Variants in ACTR3C observed in about 807,000 individuals in gnomAD.
ACTR3C encodes actin related protein 3C, also known as actin-related protein 3C.
In ACTR3C, 18 loss-of-function variants were observed where a neutral mutation model predicts 26.3. The ratio of observed to expected loss-of-function variants is 0.68; its 90% CI spans 0.47 to 1.01. ACTR3C has a LOEUF of 1.01. ACTR3C is among the 50% of genes least tolerant of loss of function. The pLI, the probability that ACTR3C is intolerant of heterozygous loss-of-function variation, is 0.00. For synonymous variants in ACTR3C, 55 were observed against 94.5 expected (o/e 0.58, Z 2.42); for missense variants, 184 against 250.7 (o/e 0.73, Z 1.80).
the ACTR3C span, among the ~76,000 whole-genome samples, chr7:149,963,567 G>A: frequency 6.6e-6 from 1 of 152,086 alleles, no homozygotes; most frequent in Non-Finnish European, 1.5e-5. Context: ...CCTAACAAAG[G>A]ATGAACAAAG....
Position 150,256,801 on chromosome 7 carries a change from G to T in ACTR3C, c.565-7747C>A, listed in dbSNP as rs1426228400. ...AATAAACACATGTGATGTGGGAGCA[G>T]AAAGCAAAAACAAAATTAGTTGGCT... is the stretch of plus-strand genomic sequence containing the variant. On this transcript the variant is annotated intron_variant, in intron 6 of 7. Transcript: ENST00000683684. 5.9e-5 allele frequency among the ~76,000 whole-genome samples: 9 copies of T among 152,098 alleles called. 2 individuals carry two copies. Among genetic ancestry groups the T allele is most frequent in the South Asian group, 4.1e-4 (2 of 4,822 alleles).
At chr7:150,163,404 A>G in the ACTR3C span, among the ~76,000 whole-genome samples, 21 of 150,934 alleles carry the variant, frequency 1.4e-4, no homozygotes, top group South Asian at 2.1e-4. Flanking sequence ...GTGTGTGTGT[A>G]TACACATACA....
At chr7:149,987,585 T>G in the ACTR3C span, among the ~76,000 whole-genome samples, 30,020 of 92,464 alleles carry the variant, frequency 0.32, 6,389 homozygotes, top group Middle Eastern at 0.52. Flanking sequence ...AAATAAAAAA[T>G]AAAAAAAGAA....
chr7:150,231,836 T>C, the ACTR3C span, among the ~76,000 whole-genome samples: 1 of 152,034 alleles, frequency 6.6e-6, no homozygotes, highest in African/African-American at 2.4e-5. Context: ...AGAACATATG[T>C]TATGCTGTTT....
At chr7:149,886,891 T>C in the ACTR3C span, among the ~76,000 whole-genome samples, 1 of 151,362 alleles carries the variant, frequency 6.6e-6, no homozygotes, top group African/African-American at 2.4e-5. Context: ...GCCCAGGAGG[T>C]TGAGGCTACA....
intron 1 of ACTR3C, among the ~76,000 whole-genome samples, chr7:150,319,306 C>G (rs1450568396): frequency 4.0e-5 from 6 of 151,858 alleles, no homozygotes; most frequent in African/African-American, 1.5e-4. Flanking sequence ...CTCTCAGGTT[C>G]AAGCGATTCT....
chr7:150,120,201 A>G, the ACTR3C span, among the ~76,000 whole-genome samples: 1 of 152,208 alleles, frequency 6.6e-6, no homozygotes, highest in Admixed American at 6.5e-5. Context: ...AAACACATTC[A>G]AAAGCTAGCA....
the ACTR3C span, among the ~76,000 whole-genome samples, chr7:149,884,336 AATCTCTC>A: frequency 6.6e-6 from 1 of 152,180 alleles, no homozygotes; most frequent in African/African-American, 2.4e-5. Context: ...TCTAAATACG[AATCTCTC>A]ATTGGGGAAA....
At chr7:150,047,195 G>A in the ACTR3C span, among the ~76,000 whole-genome samples, 3 of 151,622 alleles carry the variant, frequency 2.0e-5, no homozygotes, top group Non-Finnish European at 2.9e-5. Flanking sequence ...GGGAGAGAAG[G>A]TGCCTGAGGC....
rs902537497 is a variant in ACTR3C, at chr7:150,274,041, G to A, written c.564+10712C>T. ...ATCAAAATGGTCGCCCTCTTGAGAT[G>A]TGTTTCAGGTAGGGAGACAGAACTA... is the stretch of plus-strand genomic sequence containing the variant. On this transcript the variant is annotated intron_variant, in intron 6 of 7. Coordinates refer to ENST00000683684, the MANE Select transcript of ACTR3C (RefSeq NM_001164458.2). This position sits in a 1 kb window ranked among gnomAD's most constrained non-coding sequence, Gnocchi z 4.1. Among the ~76,000 whole-genome samples, 12 of 151,566 alleles carry A rather than the reference G, an allele frequency of 7.9e-5. No homozygotes were observed. Among genetic ancestry groups the A allele is most frequent in the African/African-American group, 2.9e-4 (12 of 40,854 alleles).
At chr7:149,891,462 A>C in the ACTR3C span, 1 of 526,320 alleles carries the variant, frequency 1.9e-6, no homozygotes, top group Non-Finnish European at 3.4e-6. Flanking sequence ...TTGGAAAAAA[A>C]AGATTAAGTT....
In ACTR3C at chr7:150,264,788, T is replaced by G. The variant is rs1369013851; in HGVS notation, c.565-15734A>C. 3.1e-6 allele frequency: 3 copies of G among 964,110 alleles called. No homozygotes were observed. The South Asian group carries it at 1.4e-4, about 46-fold the overall frequency. 59.7% of individuals were successfully genotyped at this position (964,110 alleles called of 1,614,324 possible). A position where few individuals can be genotyped will look rare whatever the true frequency, so the allele number is the denominator to read the frequency against. On this transcript the variant is annotated intron_variant, in intron 6 of 7. Transcript: ENST00000683684. The stretch of plus-strand genomic sequence containing the variant: ...ATGAGAGCTCACCGGTTGTACTAAT[T>G]TCCTCTAAATCCTCTCAGATTTACT...
chr7:150,014,128 A>G, the ACTR3C span, among the ~76,000 whole-genome samples: 11 of 152,158 alleles, frequency 7.2e-5, no homozygotes, highest in African/African-American at 2.7e-4. Flanking sequence ...CACAACAACT[A>G]ACCAACTCCT....
the ACTR3C span, among the ~76,000 whole-genome samples, chr7:150,032,048 G>A: frequency 6.6e-6 from 1 of 152,232 alleles, no homozygotes. Context: ...CCTTCTTCCG[G>A]TCTATTTCAT....
intron 1 of ACTR3C, among the ~76,000 whole-genome samples, chr7:150,300,093 C>G (rs542569194): frequency 2.4e-4 from 37 of 152,114 alleles, no homozygotes; most frequent in Non-Finnish European, 5.4e-4. Flanking sequence ...TGGCTCACAC[C>G]TATAATGCCA....
chr7:150,017,294 C>T, the ACTR3C span, among the ~76,000 whole-genome samples: 6,151 of 151,304 alleles, frequency 0.041, 236 homozygotes, highest in African/African-American at 0.1. Context: ...CTTCCCAGCC[C>T]GCAAGTTTCA....
the ACTR3C span, among the ~76,000 whole-genome samples, chr7:150,236,773 C>T: frequency 6.8e-6 from 1 of 146,050 alleles, no homozygotes; most frequent in Non-Finnish European, 1.5e-5. Flanking sequence ...GTGAAAGCTC[C>T]GTAGGCTTCC....
chr7:150,264,248 T>G (rs2530962), intron 6 of ACTR3C, among the ~76,000 whole-genome samples: 6,128 of 152,168 alleles, frequency 0.04, 117 homozygotes, highest in Non-Finnish European at 0.046. Context: ...AAACGTCATG[T>G]GAGCTCCAAG....
chr7:150,306,218 A>G (rs1296634721), intron 1 of ACTR3C, among the ~76,000 whole-genome samples: 1 of 152,084 alleles, frequency 6.6e-6, no homozygotes, highest in Non-Finnish European at 1.5e-5. Flanking sequence ...GCAAGTGGTT[A>G]CATTTTACTA....
Sources: allele counts gnomAD v4.1 joint callset (sites outside exome capture counted in the v4.1 genomes callset), GRCh38; gene constraint gnomAD v4.1.1; non-coding constraint Gnocchi (gnomAD v3.1); transcripts MANE v1.5; gene names NCBI Gene and HGNC (gene_info 2026-07-23, HGNC 2026-07-21).